The following PSD3 variants were observed in gnomAD, a reference collection of about 807,000 sequenced individuals.
PSD3 encodes PH and SEC7 domain-containing protein 3.
In PSD3, 49 loss-of-function variants were observed where a neutral mutation model predicts 105.5. That is an observed-to-expected ratio of 0.46 (90% CI 0.37 to 0.59). The LOEUF (loss-of-function observed/expected upper bound fraction) is 0.59, where lower values mean the gene tolerates loss of function less well. Ranked by LOEUF, PSD3 falls within the 20% of genes least tolerant of loss-of-function variation. PSD3 has a pLI of 0.00. For synonymous variants in PSD3, 557 were observed against 457.8 expected, an observed-to-expected ratio of 1.22 and a Z score of -2.77; for missense variants, 1,561 against 1,263.8, an observed-to-expected ratio of 1.24 and a Z score of -3.57.
rs1242211659 is a variant in PSD3, at chr8:18,531,245, G to A, written c.*4498C>T. The A allele has an allele frequency of 6.6e-6, 1 of 152,666 alleles. No individual in the cohort carries two copies. The highest frequency in any genetic ancestry group is 1.5e-5 in the Non-Finnish European group (1 of 68,042). 9.5% of individuals were successfully genotyped at this position (152,666 alleles called of 1,614,324 possible). On this transcript the variant is annotated 3_prime_UTR_variant, in exon 16 of 16. Transcript: ENST00000327040. ...ATGTAACTTGCAAAATTTTCCTGCT[G>A]TTGCATTCAAGTCAAACTGTCATGC...
chr8:18,739,773 G>C (rs1804417538), intron 9 of PSD3, among the ~76,000 whole-genome samples: 1 of 152,088 alleles, frequency 6.6e-6, no homozygotes, highest in Non-Finnish European at 1.5e-5. Flanking sequence ...AAATTAACAT[G>C]CCCATTACCT....
At chr8:18,991,373 T>TACACACATACAC (rs1554562149) in intron 1 of PSD3, among the ~76,000 whole-genome samples, 17 of 100,008 alleles carry the variant, frequency 1.7e-4, no homozygotes, top group Non-Finnish European at 3.6e-4. Context: ...CACACACACA[T>TACACACATACAC]ACACACACAC....
intron 3 of PSD3, among the ~76,000 whole-genome samples, chr8:18,869,190 C>CCTT (rs1554526390): frequency 1.7e-5 from 2 of 119,790 alleles, no homozygotes; most frequent in Non-Finnish European, 3.3e-5. Context: ...CTCTCCCCTG[C>CCTT]TTTTTTTTTT....
At chr8:18,880,257 T>C (rs1429303709) in intron 2 of PSD3, among the ~76,000 whole-genome samples, 4 of 152,220 alleles carry the variant, frequency 2.6e-5, no homozygotes, top group Admixed American at 1.3e-4. Context: ...CCTTGTAAAA[T>C]AGGGCCTTAG....
At chr8:18,585,273 G>A (rs1803095007) in intron 12 of PSD3, among the ~76,000 whole-genome samples, 1 of 152,188 alleles carries the variant, frequency 6.6e-6, no homozygotes, top group South Asian at 2.1e-4. Context: ...GCTGTAGGAA[G>A]ATTGTGAAAA....
At chr8:18,541,636 C>A (rs112102918) in intron 15 of PSD3, among the ~76,000 whole-genome samples, 1 of 152,162 alleles carries the variant, frequency 6.6e-6, no homozygotes, top group African/African-American at 2.4e-5. Flanking sequence ...CTCAACAGTG[C>A]ACTGAGGTAT....
chr8:18,767,507 G>A (rs1476577145), intron 8 of PSD3, among the ~76,000 whole-genome samples: 2 of 152,146 alleles, frequency 1.3e-5, no homozygotes, highest in African/African-American at 2.4e-5. Context: ...CAGCACTTTC[G>A]GAGGCCGAGG....
chr8:18,793,781 G>C (rs1037706639), intron 8 of PSD3, among the ~76,000 whole-genome samples: 1 of 152,170 alleles, frequency 6.6e-6, no homozygotes, highest in Admixed American at 6.5e-5. Flanking sequence ...TTATCCTGCA[G>C]GACGATGAGA....
intron 1 of PSD3, among the ~76,000 whole-genome samples, chr8:19,049,976 C>T (rs1828463409): frequency 6.6e-6 from 1 of 152,188 alleles, no homozygotes; most frequent in South Asian, 2.1e-4. Context: ...GTTCCAACCA[C>T]TTTTCAACAG....
At chr8:18,588,775 G>A (rs969913423) in intron 12 of PSD3, among the ~76,000 whole-genome samples, 2 of 152,126 alleles carry the variant, frequency 1.3e-5, no homozygotes, top group African/African-American at 4.8e-5. Context: ...TCTCCATCTT[G>A]ATGACTCAAA....
chr8:18,678,022 AC>A (rs1428711286), intron 9 of PSD3, among the ~76,000 whole-genome samples: 5 of 151,390 alleles, frequency 3.3e-5, no homozygotes, highest in African/African-American at 1.2e-4. Context: ...AAAAAAAAAA[AC>A]AAAGTAAACA....
intron 11 of PSD3, among the ~76,000 whole-genome samples, chr8:18,632,326 G>T (rs543293411): frequency 6.6e-6 from 1 of 152,156 alleles, no homozygotes. Context: ...GGCTGGCACA[G>T]CAGGTAGTCA....
chr8:18,731,907 G>A (rs1158666250), intron 9 of PSD3, among the ~76,000 whole-genome samples: 2 of 152,152 alleles, frequency 1.3e-5, no homozygotes, highest in Non-Finnish European at 2.9e-5. Flanking sequence ...GCCCATCAGT[G>A]AGTAGGATGC....
chr8:18,586,095 G>A (rs1394453342), intron 12 of PSD3, among the ~76,000 whole-genome samples: 2 of 152,142 alleles, frequency 1.3e-5, no homozygotes, highest in African/African-American at 4.8e-5. Flanking sequence ...TGTTCAGGAG[G>A]CATGCAACAT....
At chr8:18,951,894 G>C (rs1410034249) in intron 1 of PSD3, among the ~76,000 whole-genome samples, 1 of 151,990 alleles carries the variant, frequency 6.6e-6, no homozygotes, top group African/African-American at 2.4e-5. Context: ...ATTTGAACCT[G>C]GGAAGCGGAG....
chr8:18,655,526 A>C, intron 10 of PSD3, 116 bp downstream of exon 10: 2 of 974,516 alleles, frequency 2.1e-6, no homozygotes, highest in Non-Finnish European at 1.6e-6. Context: ...ACTTGGTGTA[A>C]AATGAGAATT....
intron 9 of PSD3, among the ~76,000 whole-genome samples, chr8:18,698,441 G>A (rs749767168): frequency 6.6e-6 from 1 of 152,092 alleles, no homozygotes; most frequent in Non-Finnish European, 1.5e-5. Context: ...TACAAAAGAG[G>A]TTGGAGGTTC....
At chr8:19,071,633 G>C (rs571899743) in intron 1 of PSD3, among the ~76,000 whole-genome samples, 4 of 152,214 alleles carry the variant, frequency 2.6e-5, no homozygotes, top group African/African-American at 7.2e-5. Flanking sequence ...CTGAAATAAG[G>C]GAAGGGTGGG....
At chr8:18,907,015 G>T (rs1045024597) in intron 2 of PSD3, among the ~76,000 whole-genome samples, 1 of 151,966 alleles carries the variant, frequency 6.6e-6, no homozygotes, top group Non-Finnish European at 1.5e-5. Context: ...AAGAAAATAA[G>T]GAAAATATTT....
Sources: allele counts gnomAD v4.1 joint callset (sites outside exome capture counted in the v4.1 genomes callset), GRCh38; gene constraint gnomAD v4.1.1; transcripts MANE v1.5; gene names NCBI Gene and HGNC (gene_info 2026-07-23, HGNC 2026-07-21).